PARD3: variants seen among roughly 807,000 people sequenced by gnomAD.
The protein encoded by PARD3 is partitioning defective 3 homolog.
PARD3 carries 75 observed loss-of-function variants against 155.4 expected under a neutral mutation model. The observed-to-expected ratio is 0.48, with a 90% CI of 0.40 to 0.58. PARD3 has a LOEUF of 0.58. Among genes scored for constraint, PARD3 ranks in the 20% least tolerant of loss-of-function variants. The pLI is 0.00. For missense variants in PARD3, 1,642 were observed against 1,721.7 expected, an observed-to-expected ratio of 0.95 and a Z score of 0.82; for synonymous variants, 576 against 610.5, an observed-to-expected ratio of 0.94 and a Z score of 0.83.
intron 12 of PARD3, among the ~76,000 whole-genome samples, chr10:34,369,173 T>C (rs1699021834): frequency 6.6e-6 from 1 of 152,104 alleles, no homozygotes; most frequent in Admixed American, 6.5e-5. Flanking sequence ...AATAGGATAA[T>C]ATCACCAACT....
chr10:34,745,312 T>C (rs1044004921), intron 1 of PARD3, among the ~76,000 whole-genome samples: 33 of 151,692 alleles, frequency 2.2e-4, no homozygotes, highest in Admixed American at 9.9e-4. Context: ...CAGTGTACTA[T>C]GATCATGCCA....
chr10:34,598,830 C>A (rs948393027), intron 2 of PARD3, among the ~76,000 whole-genome samples: 1 of 152,270 alleles, frequency 6.6e-6, no homozygotes, highest in East Asian at 1.9e-4. Context: ...CACTCAGATT[C>A]GGCATATCTT....
chr10:34,438,516 T>C (rs1252863385), intron 5 of PARD3, among the ~76,000 whole-genome samples: 2 of 152,122 alleles, frequency 1.3e-5, no homozygotes, highest in Admixed American at 6.5e-5. Context: ...TATGGCATTA[T>C]AAAAGAGTCA....
intron 2 of PARD3, among the ~76,000 whole-genome samples, chr10:34,668,178 A>T (rs1393635710): frequency 6.6e-6 from 1 of 152,228 alleles, no homozygotes; most frequent in Non-Finnish European, 1.5e-5. Context: ...GAAAACCATC[A>T]AGACTCCAGG....
intron 1 of PARD3, among the ~76,000 whole-genome samples, chr10:34,709,922 G>A (rs1486640304): frequency 6.6e-6 from 1 of 151,890 alleles, no homozygotes; most frequent in Non-Finnish European, 1.5e-5. Flanking sequence ...CAAATTTAAT[G>A]ACCCAGGGTT....
At chr10:34,314,767 A>G (rs1957905963) in intron 20 of PARD3, among the ~76,000 whole-genome samples, 1 of 152,240 alleles carries the variant, frequency 6.6e-6, no homozygotes, top group Admixed American at 6.5e-5. Context: ...TTTCAAAAGC[A>G]GAGATCATAG....
chr10:34,270,507 A>T (rs1955563931), intron 21 of PARD3, among the ~76,000 whole-genome samples: 1 of 152,194 alleles, frequency 6.6e-6, no homozygotes, highest in African/African-American at 2.4e-5. Context: ...CAAGGAACAG[A>T]TCATTTCTGG....
rs555136478 is a variant in PARD3, at chr10:34,359,099, G to A, written c.2067+48C>T. 9 of 1,475,698 alleles carry A rather than the reference G, an allele frequency of 6.1e-6. 1 individual carries two copies. The African/African-American group carries it at 1.3e-4, about 21-fold the overall frequency. The allele number at this position is 1,475,698 out of a possible 1,614,324, so 91.4% of individuals were successfully genotyped here. On this transcript the variant is annotated intron_variant, in intron 14 of 24. Transcript: ENST00000374788. ...CTTTGCCCAAAATTAGGACAGAAAT[G>A]TAGTTTATTTACAATTTTAGATACT...
chr10:34,591,785 AAGCCGGGGG>A (rs776380159), intron 2 of PARD3, among the ~76,000 whole-genome samples: 4 of 152,178 alleles, frequency 2.6e-5, no homozygotes, highest in Non-Finnish European at 5.9e-5. Flanking sequence ...GGTGCAAGCT[AAGCCGGGGG>A]AGTTTCGATC....
chr10:34,430,790 G>A (rs2075860070), intron 5 of PARD3, among the ~76,000 whole-genome samples: 1 of 152,198 alleles, frequency 6.6e-6, no homozygotes, highest in African/African-American at 2.4e-5. Flanking sequence ...TCCAGATGAG[G>A]AAATGGAGGA....
At position 34,522,278 on chromosome 10, in the gene PARD3, G is replaced by A. The variant is rs947043037; in HGVS notation, c.223-5119C>T. Among the ~76,000 whole-genome samples, 4 of 152,116 alleles carry A rather than the reference G, an allele frequency of 2.6e-5. No individual in the cohort carries two copies. In the South Asian group the frequency reaches 8.3e-4, roughly 32 times the overall value. On this transcript the variant is annotated intron_variant, in intron 2 of 24. Transcript: ENST00000374788. ...ACAAACAAAGGGAGTCATGAGCCAA[G>A]GAAAGTGAGCAGCATTTAGAAGGCA...
At chr10:34,563,487 C>T (rs1246207230) in intron 2 of PARD3, among the ~76,000 whole-genome samples, 1 of 152,026 alleles carries the variant, frequency 6.6e-6, no homozygotes, top group Non-Finnish European at 1.5e-5. Flanking sequence ...CTGCCTCAGC[C>T]TCCCAAGTAG....
chr10:34,375,397 G>T (rs757447847), intron 10 of PARD3, among the ~76,000 whole-genome samples: 1 of 152,018 alleles, frequency 6.6e-6, no homozygotes, highest in Non-Finnish European at 1.5e-5. Context: ...AAATAAAAAG[G>T]TGTTGCTCTT....
At chr10:34,390,008 A>G (rs528067556) in intron 7 of PARD3, among the ~76,000 whole-genome samples, 2 of 152,222 alleles carry the variant, frequency 1.3e-5, no homozygotes, top group Non-Finnish European at 2.9e-5. Context: ...TGCGTATGTT[A>G]TAGTTCTTTA....
chr10:34,573,683 G>A (rs867987577), intron 2 of PARD3, among the ~76,000 whole-genome samples: 1 of 150,412 alleles, frequency 6.6e-6, no homozygotes, highest in Non-Finnish European at 1.5e-5. Flanking sequence ...CTCCAGCCTG[G>A]GTGAGAGAAC....
chr10:34,264,421 T>A (rs150611827), intron 22 of PARD3, among the ~76,000 whole-genome samples: 1 of 152,200 alleles, frequency 6.6e-6, no homozygotes, highest in Admixed American at 6.5e-5. Flanking sequence ...GTTTTTGGCT[T>A]CATGAAATAG....
chr10:34,553,687 C>T (rs2084772205), intron 2 of PARD3, among the ~76,000 whole-genome samples: 2 of 152,164 alleles, frequency 1.3e-5, no homozygotes, highest in Non-Finnish European at 2.9e-5. Context: ...CAAAAGCTTA[C>T]ATGAATCGAA....
chr10:34,517,803 G>A lies in PARD3; in HGVS notation c.223-644C>T, dbSNP rs1225483707. The stretch of plus-strand genomic sequence containing the variant: ...CACAGTCAGAAACAGAAGTTACAGA[G>A]AAGAAAAAGCTAGAATAAACTGGTG... On this transcript the variant is annotated intron_variant, in intron 2 of 24. Transcript: ENST00000374788. Among the ~76,000 whole-genome samples, 3 of 152,138 alleles carry A rather than the reference G, an allele frequency of 2.0e-5. No individual in the cohort carries two copies. In the East Asian group the frequency reaches 5.8e-4, roughly 29 times the overall value.
At chr10:34,775,063 A>C (rs1011130849) in intron 1 of PARD3, among the ~76,000 whole-genome samples, 1 of 152,222 alleles carries the variant, frequency 6.6e-6, no homozygotes, top group African/African-American at 2.4e-5. Context: ...ATATGAGCAA[A>C]AGTGGGCATT....
Sources: allele counts gnomAD v4.1 joint callset (sites outside exome capture counted in the v4.1 genomes callset), GRCh38; gene constraint gnomAD v4.1.1; transcripts MANE v1.5; gene names NCBI Gene and HGNC (gene_info 2026-07-23, HGNC 2026-07-21).